CCDC148: variants seen among roughly 807,000 people sequenced by gnomAD.
CCDC148 encodes coiled-coil domain containing 148.
CCDC148 carries 89 observed loss-of-function variants against 85.7 expected under a neutral mutation model. That is an observed-to-expected ratio of 1.04 (90% confidence interval 0.87 to 1.24). CCDC148 has a LOEUF of 1.24. Among genes scored for constraint, CCDC148 ranks in the 50% most tolerant of loss-of-function variants. CCDC148 has a pLI of 0.00. For synonymous variants in CCDC148, 230 were observed against 213.9 expected (o/e 1.08, Z -0.66); for missense variants, 692 against 671.7 (o/e 1.03, Z -0.33).
At chr2:158,414,186 A>C (rs1383335975) in intron 1 of CCDC148, among the ~76,000 whole-genome samples, 1 of 152,252 alleles carries the variant, frequency 6.6e-6, no homozygotes, top group Non-Finnish European at 1.5e-5. Flanking sequence ...TGTGTTAGGC[A>C]TAAAATCTAA....
chr2:158,453,045 T>A (rs1688467368), intron 1 of CCDC148, among the ~76,000 whole-genome samples: 1 of 152,224 alleles, frequency 6.6e-6, no homozygotes, highest in African/African-American at 2.4e-5. Flanking sequence ...TCTCCCAACA[T>A]CCTGATTCCA....
intron 7 of CCDC148, among the ~76,000 whole-genome samples, chr2:158,328,765 T>A (rs1209630117): frequency 3.9e-5 from 6 of 152,250 alleles, no homozygotes; most frequent in Non-Finnish European, 7.3e-5. Context: ...TGATGGCCAG[T>A]GATGATGAGC....
At chr2:158,294,568 A>G (rs1370672043) in intron 9 of CCDC148, among the ~76,000 whole-genome samples, 1 of 152,150 alleles carries the variant, frequency 6.6e-6, no homozygotes, top group Non-Finnish European at 1.5e-5. Context: ...TTATGCCTGT[A>G]ATCCCAGCAC....
intron 2 of CCDC148, among the ~76,000 whole-genome samples, chr2:158,349,154 C>A (rs746994888): frequency 6.6e-6 from 1 of 151,990 alleles, no homozygotes; most frequent in Non-Finnish European, 1.5e-5. Flanking sequence ...ACAAATCAGA[C>A]AGGTAGCTAA....
intron 8 of CCDC148, among the ~76,000 whole-genome samples, chr2:158,312,578 C>CAAAAAAAAAA (rs61545122): frequency 4.9e-4 from 37 of 76,084 alleles, no homozygotes; most frequent in South Asian, 1.1e-3. Context: ...GAATCCATCT[C>CAAAAAAAAAA]AAAAAAAAAA....
chr2:158,207,467 C>A (rs1686310751), intron 11 of CCDC148: 1 of 152,204 alleles, frequency 6.6e-6, no homozygotes, highest in South Asian at 2.1e-4. Context: ...AATAAAATTT[C>A]TGTTTCCCAT....
chr2:158,340,173 A>G (rs1682603587), intron 5 of CCDC148, 69 bp downstream of exon 5: 17 of 1,419,150 alleles, frequency 1.2e-5, no homozygotes, highest in Non-Finnish European at 1.7e-5. Flanking sequence ...TTTGTTTCTT[A>G]TCTCAAACTC....
At chr2:158,424,423 T>A (rs983110580) in intron 1 of CCDC148, among the ~76,000 whole-genome samples, 1 of 152,128 alleles carries the variant, frequency 6.6e-6, no homozygotes, top group African/African-American at 2.4e-5. Context: ...TGTAGGGACA[T>A]GGATGAAGCT....
intron 10 of CCDC148, among the ~76,000 whole-genome samples, chr2:158,242,638 T>TG (rs2105321810): frequency 6.6e-6 from 1 of 151,142 alleles, no homozygotes; most frequent in South Asian, 2.1e-4. Flanking sequence ...CTGTAGTTTT[T>TG]TTTTTTTTTT....
At chr2:158,455,118 T>A (rs1688564077) in intron 1 of CCDC148, among the ~76,000 whole-genome samples, 1 of 152,250 alleles carries the variant, frequency 6.6e-6, no homozygotes, top group Non-Finnish European at 1.5e-5. Context: ...ATCATTGGTA[T>A]CTTTTCATTA....
intron 12 of CCDC148, among the ~76,000 whole-genome samples, chr2:158,177,755 T>C (rs907827456): frequency 2.0e-5 from 3 of 152,292 alleles, no homozygotes; most frequent in East Asian, 1.9e-4. Flanking sequence ...AAGAAGATGA[T>C]GATATAATAG....
At chr2:158,215,867 C>T (rs955446861) in intron 11 of CCDC148, among the ~76,000 whole-genome samples, 16 of 152,118 alleles carry the variant, frequency 1.1e-4, no homozygotes, top group African/African-American at 3.9e-4. Context: ...TAAGAAAAGA[C>T]ACTCAAGTAC....
At chr2:158,353,619 T>A (rs868439477) in intron 2 of CCDC148, among the ~76,000 whole-genome samples, 30 of 151,920 alleles carry the variant, frequency 2.0e-4, no homozygotes, top group Middle Eastern at 3.4e-3. Flanking sequence ...CTCCCACACA[T>A]TAATAATGGG....
chr2:158,276,214 C>T (rs888277880), intron 9 of CCDC148, among the ~76,000 whole-genome samples: 4 of 151,922 alleles, frequency 2.6e-5, no homozygotes, highest in Admixed American at 2.0e-4. Context: ...GTGGATCACT[C>T]GAGGTCAGGA....
chr2:158,391,705 A>G (rs1685315580), intron 1 of CCDC148, among the ~76,000 whole-genome samples: 1 of 152,200 alleles, frequency 6.6e-6, no homozygotes, highest in African/African-American at 2.4e-5. Flanking sequence ...CATGAATTAG[A>G]TTCTTTTCAC....
At chr2:158,208,136 C>A (rs1329898973) in intron 11 of CCDC148, among the ~76,000 whole-genome samples, 12 of 152,066 alleles carry the variant, frequency 7.9e-5, no homozygotes, top group African/African-American at 2.9e-4. Context: ...AAAGATATGA[C>A]CCTAGGGATC....
chr2:158,320,646 C>T (rs1256842691), intron 7 of CCDC148, among the ~76,000 whole-genome samples: 2 of 151,984 alleles, frequency 1.3e-5, no homozygotes, highest in East Asian at 3.9e-4. Context: ...CTGTATTATC[C>T]AATAACAAAT....
At chr2:158,352,898 C>G (rs1683398600) in intron 2 of CCDC148, among the ~76,000 whole-genome samples, 1 of 151,864 alleles carries the variant, frequency 6.6e-6, no homozygotes, top group South Asian at 2.1e-4. Context: ...CCCTACAAGC[C>G]AGAAGAGAGT....
At chr2:158,327,985 A>T (rs978808176) in intron 7 of CCDC148, among the ~76,000 whole-genome samples, 2 of 151,982 alleles carry the variant, frequency 1.3e-5, no homozygotes, top group Non-Finnish European at 2.9e-5. Flanking sequence ...TATTTACATT[A>T]ATTTTATACC....
Sources: gnomAD v4.1 joint callset for allele counts (sites outside exome capture counted in the v4.1 genomes callset) on GRCh38, gnomAD v4.1.1 for gene constraint, MANE v1.5 for transcripts, NCBI Gene and HGNC (gene_info 2026-07-23, HGNC 2026-07-21) for gene names.